LRP1B: variants seen among roughly 807,000 people sequenced by gnomAD.
LRP1B encodes LDL receptor related protein 1B.
A neutral mutation model predicts 556.6 loss-of-function variants in LRP1B; 217 were observed. The ratio of observed to expected loss-of-function variants is 0.39; its 90% confidence interval spans 0.35 to 0.44. The LOEUF is 0.44. Among genes scored for constraint, LRP1B ranks in the 20% least tolerant of loss-of-function variants. The pLI is 1.00. For synonymous variants in LRP1B, 2,047 were observed against 1,865.8 expected (o/e 1.10, Z -2.50); for missense variants, 5,053 against 5,620.8 (o/e 0.90, Z 3.23).
chr2:141,237,279 A>T (rs72979252), intron 5 of LRP1B, among the ~76,000 whole-genome samples: 6,230 of 151,884 alleles, frequency 0.041, 422 homozygotes, highest in African/African-American at 0.14. Context: ...AGAGAAGATG[A>T]TGATTTCAGT....
intron 5 of LRP1B, among the ~76,000 whole-genome samples, chr2:141,242,301 T>C (rs1172510714): frequency 6.6e-6 from 1 of 152,038 alleles, no homozygotes; most frequent in Non-Finnish European, 1.5e-5. Context: ...AAAAGAAAAT[T>C]TTAAACTTAT....
At chr2:141,156,539 A>T (rs1702071647) in intron 7 of LRP1B, among the ~76,000 whole-genome samples, 1 of 151,824 alleles carries the variant, frequency 6.6e-6, no homozygotes, top group African/African-American at 2.4e-5. Flanking sequence ...GAGGCAGGAG[A>T]ACTGCTTGAA....
intron 49 of LRP1B, among the ~76,000 whole-genome samples, chr2:140,525,257 TC>T (rs1690381482): frequency 6.6e-6 from 1 of 151,804 alleles, no homozygotes; most frequent in Admixed American, 6.6e-5. Context: ...TAATTTCATG[TC>T]CTCAAATAGA....
intron 2 of LRP1B, among the ~76,000 whole-genome samples, chr2:141,556,360 A>T (rs1441811363): frequency 6.6e-6 from 1 of 151,984 alleles, no homozygotes; most frequent in Non-Finnish European, 1.5e-5. Context: ...CTCATTTTCC[A>T]GGCAGAATTT....
At chr2:140,849,626 G>A (rs1032037204) in intron 29 of LRP1B, among the ~76,000 whole-genome samples, 4 of 151,518 alleles carry the variant, frequency 2.6e-5, no homozygotes, top group South Asian at 2.1e-4. Context: ...TGCAACCTCC[G>A]CCTGCCAGGT....
At chr2:140,815,696 C>T (rs1691092680) in intron 31 of LRP1B, among the ~76,000 whole-genome samples, 1 of 152,042 alleles carries the variant, frequency 6.6e-6, no homozygotes, top group Non-Finnish European at 1.5e-5. Context: ...TTTACTTTTC[C>T]ATATGTACGT....
intron 32 of LRP1B, among the ~76,000 whole-genome samples, chr2:140,813,048 T>C (rs1365876544): frequency 6.6e-6 from 1 of 152,162 alleles, no homozygotes; most frequent in African/African-American, 2.4e-5. Flanking sequence ...ACCAATATAG[T>C]AGAGGTTAAT....
In LRP1B at chr2:140,536,825, G is replaced by A. The variant is rs1056977168; in HGVS notation, c.7514-116C>T. On this transcript the variant is annotated intron_variant, in intron 45 of 90. Transcript: ENST00000389484. ...AAGATAAACTAAAATTTATCAAAATGTACAATTAAAGAGCAATGGTTTATG... is the reference window on the plus strand; with the variant it reads ...AAGATAAACTAAAATTTATCAAAATATACAATTAAAGAGCAATGGTTTATG... 27 of 780,180 alleles carry A rather than the reference G, an allele frequency of 3.5e-5. 1 individual carries two copies. The highest frequency in any genetic ancestry group is 5.1e-5 in the Non-Finnish European group (26 of 504,856). The allele number at this position is 780,180 out of a possible 1,614,324, so 48.3% of individuals were successfully genotyped here.
chr2:140,477,953 T>G (rs965031103), intron 59 of LRP1B, among the ~76,000 whole-genome samples: 14 of 152,094 alleles, frequency 9.2e-5, no homozygotes, highest in Non-Finnish European at 1.8e-4. Flanking sequence ...TTTCAGCTAA[T>G]AAAAATTTTT....
chr2:140,865,808 T>C (rs959317689), intron 27 of LRP1B, among the ~76,000 whole-genome samples: 1 of 152,106 alleles, frequency 6.6e-6, no homozygotes, highest in South Asian at 2.1e-4. Context: ...AAAAATCATA[T>C]ATAAATCATA....
intron 2 of LRP1B, among the ~76,000 whole-genome samples, chr2:141,734,994 C>A (rs7576461): frequency 8.3e-4 from 127 of 152,166 alleles, no homozygotes; most frequent in Middle Eastern, 3.4e-3. Context: ...ATGGTGCTTT[C>A]CCTCAACAGC....
intron 83 of LRP1B, among the ~76,000 whole-genome samples, chr2:140,299,942 TTTTC>T (rs1683750357): frequency 6.6e-6 from 1 of 152,116 alleles, no homozygotes; most frequent in African/African-American, 2.4e-5. Flanking sequence ...CTATATGTGT[TTTTC>T]TTTTTTTTTG....
chr2:141,193,165 G>A (rs1162873694), intron 6 of LRP1B, among the ~76,000 whole-genome samples: 7 of 151,932 alleles, frequency 4.6e-5, no homozygotes, highest in Non-Finnish European at 8.8e-5. Flanking sequence ...ATTGTAGAAA[G>A]CAGTATGGCA....
chr2:141,084,493 T>C (rs1020381532), intron 7 of LRP1B, among the ~76,000 whole-genome samples: 1 of 152,216 alleles, frequency 6.6e-6, no homozygotes, highest in Non-Finnish European at 1.5e-5. Flanking sequence ...ACCAATTATA[T>C]TTTGTTGTTG....
At chr2:141,070,909 C>T (rs1196353688) in intron 7 of LRP1B, among the ~76,000 whole-genome samples, 19 of 152,142 alleles carry the variant, frequency 1.2e-4, no homozygotes, top group East Asian at 1.9e-4. Flanking sequence ...GATTCACAGC[C>T]GAATTCTACC....
At chr2:140,446,294 C>T (rs1232006700) in intron 63 of LRP1B, among the ~76,000 whole-genome samples, 1 of 152,144 alleles carries the variant, frequency 6.6e-6, no homozygotes, top group Non-Finnish European at 1.5e-5. Flanking sequence ...GGAAGCCCAT[C>T]TGAGCTTCAA....
intron 77 of LRP1B, among the ~76,000 whole-genome samples, chr2:140,347,373 T>C (rs1012315887): frequency 1.3e-5 from 2 of 151,790 alleles, no homozygotes; most frequent in Non-Finnish European, 2.9e-5. Context: ...TATAAACAAC[T>C]TGATCTGCAT....
intron 3 of LRP1B, among the ~76,000 whole-genome samples, chr2:141,458,474 A>G (rs1043254036): frequency 2.0e-5 from 3 of 152,186 alleles, no homozygotes; most frequent in African/African-American, 7.2e-5. Context: ...GAAATGGAGA[A>G]ACTAATCTAA....
intron 41 of LRP1B, among the ~76,000 whole-genome samples, chr2:140,642,535 C>T (rs903725119): frequency 6.6e-6 from 1 of 152,044 alleles, no homozygotes. Flanking sequence ...TACCCCAGTA[C>T]ACCTCACATA....
Sources: allele counts gnomAD v4.1 joint callset (sites outside exome capture counted in the v4.1 genomes callset), GRCh38; gene constraint gnomAD v4.1.1; transcripts MANE v1.5; gene names NCBI Gene and HGNC (gene_info 2026-07-23, HGNC 2026-07-21).